The following SLC35B4 variants were observed in gnomAD, a reference collection of about 807,000 sequenced individuals.
SLC35B4 encodes solute carrier family 35 member B4.
Under a neutral mutation model 39.5 loss-of-function variants are expected in SLC35B4, and 28 were observed. The ratio of observed to expected loss-of-function variants is 0.71; its 90% CI spans 0.53 to 0.97. The LOEUF (loss-of-function observed/expected upper bound fraction) is 0.97. Among genes scored for constraint, SLC35B4 ranks in the 50% least tolerant of loss-of-function variants. The probability of loss-of-function intolerance (pLI) is 0.00; values close to 1 mark genes in which losing one functional copy is unlikely to be tolerated. For synonymous variants in SLC35B4, 145 were observed against 150.4 expected (o/e 0.96, Z 0.26); for missense variants, 334 against 414.3 (o/e 0.81, Z 1.68).
Position 134,316,830 on chromosome 7 carries a change from C to A in SLC35B4, c.-79G>T, listed in dbSNP as rs1585650338. 9 of 1,394,848 alleles carry A rather than the reference C, an allele frequency of 6.5e-6. No homozygotes were observed. In the East Asian group the frequency reaches 2.0e-4, roughly 31 times the overall value. The allele number at this position is 1,394,848 out of a possible 1,614,324, so 86.4% of individuals were successfully genotyped here. A position where few individuals can be genotyped will look rare whatever the true frequency, so the allele number is the denominator to read the frequency against. ...GCTACCCCAGGAAGCCGGCCTCCTG[C>A]CTCTTCGCTGCGCAGCACATCGCAC... On this transcript the variant is annotated 5_prime_UTR_variant, in exon 1 of 10. Coordinates refer to ENST00000378509, the MANE Select transcript of SLC35B4 (RefSeq NM_032826.5).
intron 2 of SLC35B4, among the ~76,000 whole-genome samples, chr7:134,307,876 C>T (rs1024902739): frequency 6.6e-6 from 1 of 152,222 alleles, no homozygotes; most frequent in South Asian, 2.1e-4. Flanking sequence ...TTACCAGCAA[C>T]AGCTTCTTCA....
intron 3 of SLC35B4, among the ~76,000 whole-genome samples, chr7:134,306,416 T>G (rs1285853894): frequency 6.6e-6 from 1 of 152,212 alleles, no homozygotes; most frequent in Non-Finnish European, 1.5e-5. Flanking sequence ...AGGTAAAATC[T>G]GTTTCCTAGG....
intron 3 of SLC35B4, among the ~76,000 whole-genome samples, chr7:134,305,858 T>C (rs1480543115): frequency 2.0e-5 from 3 of 152,066 alleles, no homozygotes; most frequent in African/African-American, 4.8e-5. Context: ...TTAGTAGAGA[T>C]GGGGTTTCCC....
At chr7:134,316,609 G>A in intron 1 of SLC35B4, 66 bp downstream of exon 1, 1 of 1,505,510 alleles carries the variant, frequency 6.6e-7, no homozygotes, top group East Asian at 2.5e-5. Flanking sequence ...GTCCCGGGGG[G>A]ACCTCTCCTC....
At position 134,316,819 on chromosome 7, in the gene SLC35B4, CCGGCCTCCTG is replaced by C; in HGVS notation, c.-78_-69del. 1 of 1,473,512 alleles carries C rather than the reference CCGGCCTCCTG, an allele frequency of 6.8e-7. No individual in the cohort carries two copies. The highest frequency in any genetic ancestry group is 9.2e-7 in the Non-Finnish European group (1 of 1,085,482). The allele number at this position is 1,473,512 out of a possible 1,614,324, so 91.3% of individuals were successfully genotyped here. On this transcript the variant is annotated 5_prime_UTR_variant, in exon 1 of 10. The change abolishes the stop of an existing upstream ORF in the 5' untranslated region. Coordinates refer to ENST00000378509, the MANE Select transcript of SLC35B4 (RefSeq NM_032826.5). ...CCGCCTGTACCGCTACCCCAGGAAG[CCGGCCTCCTG>C]CCTCTTCGCTGCGCAGCACATCGCA...
chr7:134,317,797 A>ATTCTTTATTT (rs1336351984), upstream of SLC35B4, among the ~76,000 whole-genome samples: 1,834 of 152,338 alleles, frequency 0.012, 39 homozygotes, highest in African/African-American at 0.042. Flanking sequence ...TACATAAGCT[A>ATTCTTTATTT]GTGCGGCACT....
intron 2 of SLC35B4, 108 bp from the exon 3 acceptor site, chr7:134,306,882 G>T: frequency 2.5e-6 from 2 of 791,958 alleles, no homozygotes; most frequent in Non-Finnish European, 4.1e-6. Flanking sequence ...TGTTTCCTCT[G>T]CGTTGCAAGA....
chr7:134,301,629 A>G, intron 6 of SLC35B4, 132 bp downstream of exon 6: 1 of 786,574 alleles, frequency 1.3e-6, no homozygotes, highest in South Asian at 1.7e-5. Flanking sequence ...GAGAAATATG[A>G]TCCCAGGTGC....
rs746552077 is a variant in SLC35B4, at chr7:134,304,815, A to G, written c.334T>C (p.Leu112=). The change falls in exon 4 of 10, where the codon TTG becomes CTG. Residue 112 remains leucine, a synonymous_variant. Transcript: ENST00000378509. ...IANMILGIII[L]KKRYSIFKYT... ...AAGTGTATTGTTTACCTTTTCTTCAAAATGATAATTCCTAGAATCATGTTG... is the reference window on the plus strand; with the variant it reads ...AAGTGTATTGTTTACCTTTTCTTCAGAATGATAATTCCTAGAATCATGTTG... 6 of 1,611,570 alleles carry G rather than the reference A, an allele frequency of 3.7e-6. No individual in the cohort carries two copies. Among genetic ancestry groups the G allele is most frequent in the Non-Finnish European group, 4.2e-6 (5 of 1,177,728 alleles).
At chr7:134,308,566 C>T (rs1228528557) in intron 2 of SLC35B4, among the ~76,000 whole-genome samples, 1 of 152,192 alleles carries the variant, frequency 6.6e-6, no homozygotes, top group Non-Finnish European at 1.5e-5. Context: ...TTTTCTATAG[C>T]AGGCTACGTA....
At chr7:134,317,192 T>G, upstream of SLC35B4, 1 of 175,330 alleles carries the variant, frequency 5.7e-6, no homozygotes, top group East Asian at 1.7e-4. Flanking sequence ...TGAAAGTAAC[T>G]CGGCCGCCAG....
intron 8 of SLC35B4, 37 bp from the exon 9 acceptor site, chr7:134,296,503 T>C (rs754605715): frequency 1.4e-5 from 21 of 1,516,610 alleles, no homozygotes; most frequent in Non-Finnish European, 1.6e-5. Context: ...CATATTGCTT[T>C]TTCACAGCTG....
At chr7:134,299,871 G>A (rs1230829684) in intron 7 of SLC35B4, among the ~76,000 whole-genome samples, 1 of 152,158 alleles carries the variant, frequency 6.6e-6, no homozygotes, top group African/African-American at 2.4e-5. Context: ...CTCAACAACA[G>A]GGAATGGAGA....
rs1281616942 is a variant in SLC35B4, at chr7:134,296,513, G to A, written c.674-47C>T. Reference sequence around the variant, plus strand: ...ATAGCCATATTGCTTTTTCACAGCTGAATTTTTCATCTTTTGAACAGGGTA... The same window carrying A: ...ATAGCCATATTGCTTTTTCACAGCTAAATTTTTCATCTTTTGAACAGGGTA... On this transcript the variant is annotated intron_variant, in intron 8 of 9. Coordinates refer to ENST00000378509, the MANE Select transcript of SLC35B4 (RefSeq NM_032826.5). The A allele has an allele frequency of 3.5e-6, 5 of 1,434,780 alleles. No individual in the cohort carries two copies. In the East Asian group the frequency reaches 6.8e-5, roughly 20 times the overall value. 88.9% of individuals were successfully genotyped at this position (1,434,780 alleles called of 1,614,324 possible). A position where few individuals can be genotyped will look rare whatever the true frequency, so the allele number is the denominator to read the frequency against.
Position 134,291,835 on chromosome 7 carries a change from T to C in SLC35B4, c.*2998A>G, listed in dbSNP as rs1370726954. 1 of 152,188 alleles carries C rather than the reference T, an allele frequency of 6.6e-6. No individual in the cohort carries two copies. Among genetic ancestry groups the C allele is most frequent in the Admixed American group, 6.5e-5 (1 of 15,284 alleles). The allele number at this position is 152,188 out of a possible 1,614,324, so 9.4% of individuals were successfully genotyped here. On this transcript the variant is annotated 3_prime_UTR_variant, in exon 10 of 10. Transcript: ENST00000378509. ...ACTAATAAACATGAAAAAGATAACA[T>C]GTTTCTAATATGACAATAGAGTTTT... is the stretch of plus-strand genomic sequence containing the variant.
Position 134,315,456 on chromosome 7 carries a change from T to A in SLC35B4, c.77+1219A>T, listed in dbSNP as rs1803950451. On this transcript the variant is annotated intron_variant, in intron 1 of 9. Coordinates refer to ENST00000378509, the MANE Select transcript of SLC35B4 (RefSeq NM_032826.5). ...GTGAAAATTCCACACCTGACACCTT[T>A]GCTTTCTGATAGTTCAACGTATACA... Among the ~76,000 whole-genome samples the A allele has an allele frequency of 2.0e-5, 3 of 152,288 alleles. No individual in the cohort carries two copies. In the South Asian group the frequency reaches 6.2e-4, roughly 32 times the overall value.
At chr7:134,300,848 T>C (rs923887577) in intron 6 of SLC35B4, among the ~76,000 whole-genome samples, 15 of 152,300 alleles carry the variant, frequency 9.8e-5, no homozygotes, top group Admixed American at 9.2e-4. Context: ...GTTGTTTTAC[T>C]GTACCCTCAG....
In SLC35B4 at chr7:134,290,370, C is replaced by A. The variant is rs1054554559; in HGVS notation, c.*4463G>T. ...GAGGAGTGGGAACAGGTATCACGAA[C>A]CCTCAGGTTTTCCAGAAACTTGAGG... On this transcript the variant is annotated 3_prime_UTR_variant, in exon 10 of 10. Transcript: ENST00000378509. 1 of 152,168 alleles carries A rather than the reference C, an allele frequency of 6.6e-6. No individual in the cohort carries two copies. The highest frequency in any genetic ancestry group is 1.5e-5 in the Non-Finnish European group (1 of 68,042). The allele number at this position is 152,168 out of a possible 1,614,324, so 9.4% of individuals were successfully genotyped here. A position where few individuals can be genotyped will look rare whatever the true frequency, so the allele number is the denominator to read the frequency against.
chr7:134,307,517 T>C (rs1481104373), intron 2 of SLC35B4, among the ~76,000 whole-genome samples: 1 of 152,210 alleles, frequency 6.6e-6, no homozygotes, highest in African/African-American at 2.4e-5. Flanking sequence ...GCCGTTTTTA[T>C]AGGTCAAAAA....
Sources: gnomAD v4.1 joint callset for allele counts (sites outside exome capture counted in the v4.1 genomes callset) on GRCh38, gnomAD v4.1.1 for gene constraint, MANE v1.5 for transcripts, NCBI Gene and HGNC (gene_info 2026-07-23, HGNC 2026-07-21) for gene names.